Variants in NUBPL observed in about 807,000 individuals in gnomAD.
NUBPL encodes iron-sulfur cluster transfer protein NUBPL.
A neutral mutation model predicts 45.7 loss-of-function variants in NUBPL; 31 were observed. The ratio of observed to expected loss-of-function variants is 0.68; its 90% confidence interval spans 0.51 to 0.92. The LOEUF (loss-of-function observed/expected upper bound fraction) is 0.92, where lower values mean the gene tolerates loss of function less well. NUBPL is among the 40% of genes least tolerant of loss of function. The probability of loss-of-function intolerance (pLI) is 0.00; values close to 1 mark genes in which losing one functional copy is unlikely to be tolerated. For synonymous variants in NUBPL, 144 were observed against 140.9 expected, an observed-to-expected ratio of 1.02 and a Z score of -0.15; for missense variants, 401 against 398.7, an observed-to-expected ratio of 1.01 and a Z score of -0.05.
intron 6 of NUBPL, among the ~76,000 whole-genome samples, chr14:31,695,249 CCTT>C (rs900656715): frequency 3.3e-5 from 5 of 151,960 alleles, no homozygotes; most frequent in African/African-American, 4.8e-5. Context: ...CTTAAAATGT[CCTT>C]CTTTTTCTGT....
intron 10 of NUBPL, among the ~76,000 whole-genome samples, chr14:31,854,662 C>G (rs1242817191): frequency 6.6e-6 from 1 of 152,134 alleles, no homozygotes; most frequent in Admixed American, 6.5e-5. Flanking sequence ...GGAAACTGAG[C>G]CTAGAAGGGT....
chr14:31,565,036 A>G lies in NUBPL; in HGVS notation c.279A>G (p.Ala93=). 1.3e-6 allele frequency: 2 copies of G among 1,556,512 alleles called. No homozygotes were observed. Among genetic ancestry groups the G allele is most frequent in the South Asian group, 1.2e-5 (1 of 83,346 alleles). The part of the protein sequence containing the change: ...TTAVNLALAL[A]ANDSSKAIGL... Reference sequence around the variant, plus strand: ...CAGTGAATCTTGCACTTGCACTAGCAGCGAACGATTCGGTAGGTGTTTATT... The same window carrying G: ...CAGTGAATCTTGCACTTGCACTAGCGGCGAACGATTCGGTAGGTGTTTATT... Residue 93 remains alanine (A), a synonymous_variant, in exon 3 of 11, where the codon GCA becomes GCG. Transcript: ENST00000281081.
At chr14:31,651,990 G>GA (rs1360022296) in intron 4 of NUBPL, among the ~76,000 whole-genome samples, 2 of 151,928 alleles carry the variant, frequency 1.3e-5, no homozygotes, top group African/African-American at 2.4e-5. Context: ...ATAGGTGCAT[G>GA]AAAAAATGCT....
chr14:31,694,846 T>C (rs1006346580), intron 6 of NUBPL, among the ~76,000 whole-genome samples: 2 of 152,190 alleles, frequency 1.3e-5, no homozygotes, highest in African/African-American at 4.8e-5. Context: ...TTTACTATGT[T>C]TGGGCCATTG....
At chr14:31,693,423 G>A (rs901782879) in intron 6 of NUBPL, among the ~76,000 whole-genome samples, 4 of 152,070 alleles carry the variant, frequency 2.6e-5, no homozygotes, top group Non-Finnish European at 4.4e-5. Context: ...ACTAATATAA[G>A]TTACCATCCT....
intron 3 of NUBPL, among the ~76,000 whole-genome samples, chr14:31,569,156 A>G (rs941518221): frequency 6.6e-6 from 1 of 152,112 alleles, no homozygotes; most frequent in African/African-American, 2.4e-5. Context: ...GCCTAGTTCA[A>G]AAGAAGACTA....
At chr14:31,567,525 A>G (rs1216891154) in intron 3 of NUBPL, among the ~76,000 whole-genome samples, 1 of 151,624 alleles carries the variant, frequency 6.6e-6, no homozygotes, top group Non-Finnish European at 1.5e-5. Flanking sequence ...GTCTTTGACT[A>G]TTTTTCACAT....
chr14:31,663,280 T>C (rs1422938424), intron 4 of NUBPL, among the ~76,000 whole-genome samples: 4 of 152,244 alleles, frequency 2.6e-5, no homozygotes, highest in African/African-American at 9.6e-5. Context: ...TTGGTTGCCA[T>C]TGCTTTTGGT....
intron 7 of NUBPL, among the ~76,000 whole-genome samples, chr14:31,811,678 T>A (rs545085597): frequency 8.6e-4 from 131 of 152,330 alleles, no homozygotes; most frequent in African/African-American, 3.0e-3. Context: ...GGAGTTGTGA[T>A]CCTTTGGAGG....
At chr14:31,799,950 G>A (rs2039553555) in intron 7 of NUBPL, among the ~76,000 whole-genome samples, 1 of 152,204 alleles carries the variant, frequency 6.6e-6, no homozygotes, top group Admixed American at 6.5e-5. Context: ...GTCTTCTCAA[G>A]CCATGCTTCT....
chr14:31,825,448 G>A lies in NUBPL; in HGVS notation c.608-1181G>A, dbSNP rs567192120. Reference sequence around the variant, plus strand: ...CAGTCTTCCAAGTAGAATATTAACAGCTTCTTCTTCCTCCTCCTCCTCTTC... The same window carrying A: ...CAGTCTTCCAAGTAGAATATTAACAACTTCTTCTTCCTCCTCCTCCTCTTC... On this transcript the variant is annotated intron_variant, in intron 7 of 10. Transcript: ENST00000281081. Among the ~76,000 whole-genome samples, 10 of 152,010 alleles carry A rather than the reference G, an allele frequency of 6.6e-5. No individual in the cohort carries two copies. The East Asian group carries it at 1.9e-3, about 29-fold the overall frequency.
chr14:31,667,817 G>T, intron 4 of NUBPL: 1 of 154,042 alleles, frequency 6.5e-6, no homozygotes, highest in Non-Finnish European at 1.4e-5. Context: ...CTCCTCTTCT[G>T]CAGGTCTGCT....
At chr14:31,839,284 T>G (rs976136476) in intron 8 of NUBPL, among the ~76,000 whole-genome samples, 16 of 152,076 alleles carry the variant, frequency 1.1e-4, no homozygotes, top group Admixed American at 2.6e-4. Context: ...ATCCCAGAAA[T>G]AGAACAATAG....
intron 8 of NUBPL, among the ~76,000 whole-genome samples, chr14:31,827,663 G>C (rs2040127450): frequency 6.6e-6 from 1 of 152,146 alleles, no homozygotes; most frequent in African/African-American, 2.4e-5. Flanking sequence ...TTAAACTTTA[G>C]TCTGTAGATT....
In NUBPL at chr14:31,663,449, A is replaced by C. The variant is rs567051089; in HGVS notation, c.383-9906A>C. Among the ~76,000 whole-genome samples, 13 of 152,174 alleles carry C rather than the reference A, an allele frequency of 8.5e-5. No homozygotes were observed. The South Asian group carries it at 1.9e-3, about 22-fold the overall frequency. On this transcript the variant is annotated intron_variant, in intron 4 of 10. Transcript: ENST00000281081. ...AAGGAAGGGGTCTAGTTTCAGTTTT[A>C]TGCATATGGCTAGCCAGTTTTCCCA...
chr14:31,574,582 CTTTTTT>C (rs71115022), intron 3 of NUBPL, among the ~76,000 whole-genome samples: 4 of 66,950 alleles, frequency 6.0e-5, no homozygotes, highest in East Asian at 4.6e-4. Context: ...TTCTTTCCTT[CTTTTTT>C]TTTTTTTTTT....
At chr14:31,740,586 C>T (rs2038261846) in intron 6 of NUBPL, among the ~76,000 whole-genome samples, 1 of 152,050 alleles carries the variant, frequency 6.6e-6, no homozygotes, top group African/African-American at 2.4e-5. Context: ...GAAATATTTT[C>T]TCCCGGTTTT....
chr14:31,837,738 C>A (rs1051893345), intron 8 of NUBPL, among the ~76,000 whole-genome samples: 2 of 151,988 alleles, frequency 1.3e-5, no homozygotes, highest in Non-Finnish European at 2.9e-5. Flanking sequence ...AGGCAAGAGA[C>A]CCGAGCAGGC....
intron 7 of NUBPL, among the ~76,000 whole-genome samples, chr14:31,826,359 G>A (rs911889388): frequency 5.3e-5 from 8 of 152,064 alleles, no homozygotes; most frequent in African/African-American, 1.7e-4. Context: ...GACCCCAAAC[G>A]ATCTGCCCAC....
Sources: allele counts gnomAD v4.1 joint callset (sites outside exome capture counted in the v4.1 genomes callset), GRCh38; gene constraint gnomAD v4.1.1; transcripts MANE v1.5; gene names NCBI Gene and HGNC (gene_info 2026-07-23, HGNC 2026-07-21).